The following ST3GAL2 variants were observed in gnomAD, a reference collection of about 807,000 sequenced individuals.
ST3GAL2 encodes the protein ST3 beta-galactoside alpha-2,3-sialyltransferase 2, also known as CMP-N-acetylneuraminate-beta-galactosamide-alpha-2,3-sialyltransferase 2.
A neutral mutation model predicts 37.5 loss-of-function variants in ST3GAL2; 16 were observed. That is an observed-to-expected ratio of 0.43 (90% confidence interval 0.29 to 0.65). The LOEUF (loss-of-function observed/expected upper bound fraction) is 0.65. Ranked by LOEUF, ST3GAL2 falls within the 30% of genes least tolerant of loss-of-function variation. The pLI is 0.17. For synonymous variants in ST3GAL2, 238 were observed against 202.9 expected (o/e 1.17, Z -1.47); for missense variants, 383 against 487.8 (o/e 0.79, Z 2.02).
chr16:70,401,321 C>T (rs2047553433), intron 1 of ST3GAL2, among the ~76,000 whole-genome samples: 2 of 152,078 alleles, frequency 1.3e-5, no homozygotes, highest in Non-Finnish European at 1.5e-5. Flanking sequence ...AGGGGGCACG[C>T]GAAGGAACTG....
intron 1 of ST3GAL2, among the ~76,000 whole-genome samples, chr16:70,403,258 G>A (rs2047567992): frequency 6.6e-6 from 1 of 152,202 alleles, no homozygotes; most frequent in Non-Finnish European, 1.5e-5. Context: ...GGAAGAGGAA[G>A]ACAGGAATCA....
chr16:70,385,726 C>T (rs2047438227), intron 4 of ST3GAL2, among the ~76,000 whole-genome samples: 3 of 106,724 alleles, frequency 2.8e-5, no homozygotes, highest in South Asian at 2.8e-4. Context: ...TTTTTTGAGG[C>T]AGAGCCCTGC....
rs1322152553 is a variant in ST3GAL2 at position 70,376,197 on chromosome 16, A to G, written c.*5492T>C. 1 of 152,196 alleles carries G rather than the reference A, an allele frequency of 6.6e-6. No homozygotes were observed. Among genetic ancestry groups the G allele is most frequent in the African/African-American group, 2.4e-5 (1 of 41,454 alleles). The allele number at this position is 152,196 out of a possible 1,614,324, so 9.4% of individuals were successfully genotyped here. ...CATGACAAATGGTAGGCAAAAAAAG[A>G]TATCGCAGGAAGGCCCTCCGTGATT... On this transcript the variant is annotated 3_prime_UTR_variant, in exon 7 of 7. Coordinates refer to ENST00000342907, the MANE Select transcript of ST3GAL2 (RefSeq NM_006927.4).
intron 1 of ST3GAL2, among the ~76,000 whole-genome samples, chr16:70,431,982 T>G (rs987185614): frequency 1.5e-5 from 2 of 135,288 alleles, no homozygotes; most frequent in African/African-American, 3.8e-5. Context: ...TATATATATA[T>G]ATATTTTTTT....
At chr16:70,388,912 A>G (rs927013085) in intron 3 of ST3GAL2, among the ~76,000 whole-genome samples, 1 of 151,054 alleles carries the variant, frequency 6.6e-6, no homozygotes, top group African/African-American at 2.4e-5. Context: ...AAAAAAAAAA[A>G]AACAAATATA....
intron 3 of ST3GAL2, among the ~76,000 whole-genome samples, chr16:70,392,689 CG>C (rs2047489797): frequency 6.6e-6 from 1 of 152,192 alleles, no homozygotes; most frequent in Non-Finnish European, 1.5e-5. Context: ...GCCATCATCT[CG>C]CTGTAACTCA....
intron 6 of ST3GAL2, among the ~76,000 whole-genome samples, chr16:70,382,333 AG>A (rs1042886663): frequency 2.0e-5 from 3 of 151,896 alleles, no homozygotes; most frequent in Admixed American, 6.6e-5. Context: ...CCCAGGCTGG[AG>A]TGCAATGCCG....
intron 1 of ST3GAL2, among the ~76,000 whole-genome samples, chr16:70,429,546 G>A (rs905843944): frequency 2.3e-4 from 28 of 123,042 alleles, no homozygotes; most frequent in African/African-American, 7.3e-4. Flanking sequence ...CCGAGATCGC[G>A]CCACTGCACT....
intron 1 of ST3GAL2, among the ~76,000 whole-genome samples, chr16:70,421,694 T>G (rs921645445): frequency 1.3e-5 from 2 of 152,116 alleles, no homozygotes; most frequent in African/African-American, 2.4e-5. Flanking sequence ...GCCCCACCCC[T>G]CCTTGAGACA....
intron 1 of ST3GAL2, among the ~76,000 whole-genome samples, chr16:70,425,766 C>A (rs532714988): frequency 6.6e-6 from 1 of 152,252 alleles, no homozygotes; most frequent in African/African-American, 2.4e-5. Context: ...AGAAGGGCTG[C>A]CCTGAACCTG....
chr16:70,394,882 G>A (rs575491364), intron 3 of ST3GAL2, 100 bp downstream of exon 3: 191 of 1,363,754 alleles, frequency 1.4e-4, no homozygotes, highest in Middle Eastern at 1.0e-3. Context: ...ACAGCACACC[G>A]GTAGCTGGCA....
intron 1 of ST3GAL2, among the ~76,000 whole-genome samples, chr16:70,410,460 A>C (rs561935745): frequency 1.3e-5 from 2 of 151,108 alleles, no homozygotes; most frequent in African/African-American, 4.9e-5. Flanking sequence ...TCACCATGTT[A>C]GCCAGGATGG....
rs749485496 is a variant in ST3GAL2 at position 70,398,210 on chromosome 16, G to A, written c.321C>T (p.Asp107=). The A allele has an allele frequency of 1.4e-5, 23 of 1,612,900 alleles. No individual in the cohort carries two copies. In the Admixed American group the frequency reaches 1.7e-4, roughly 12 times the overall value. ...WTRENMDLPP[D]VQRWWMMLQP... is the part of the protein sequence containing the mutation. The stretch of plus-strand genomic sequence containing the variant: ...CTCTTACCATCCACCACCTCTGGAC[G>A]TCCGGTGGAAGATCCATGTTCTCTC... Residue 107 remains aspartate, a synonymous_variant, in exon 2 of 7, where the codon GAC becomes GAT. Coordinates refer to ENST00000342907, the MANE Select transcript of ST3GAL2 (RefSeq NM_006927.4).
intron 2 of ST3GAL2, among the ~76,000 whole-genome samples, chr16:70,397,245 GT>G (rs2047523422): frequency 6.7e-6 from 1 of 150,114 alleles, no homozygotes; most frequent in African/African-American, 2.4e-5. Flanking sequence ...GTTTCACCAC[GT>G]TGGTCAGGCT....
rs1202570741 is a variant in ST3GAL2 at position 70,399,235 on chromosome 16, CTGG to C, written c.-708_-706del. ...CCATCTGAGGTGCTGGTCCCTTCTC[CTGG>C]TGGCCCCAGCCCCAGCTGCAGTTGC... On this transcript the variant is annotated 5_prime_UTR_variant, in exon 2 of 7. Transcript: ENST00000342907. 5.0e-6 allele frequency: 2 copies of C among 398,790 alleles called. No individual in the cohort carries two copies. The allele number at this position is 398,790 out of a possible 1,614,324, so 24.7% of individuals were successfully genotyped here. A position where few individuals can be genotyped will look rare whatever the true frequency, so the allele number is the denominator to read the frequency against.
chr16:70,408,886 G>GAAACA (rs2151668703), intron 1 of ST3GAL2, among the ~76,000 whole-genome samples: 1 of 15,442 alleles, frequency 6.5e-5, no homozygotes, highest in Non-Finnish European at 1.9e-4. Context: ...ACAGCTCAAA[G>GAAACA]AAACAAAAAA....
intron 1 of ST3GAL2, among the ~76,000 whole-genome samples, chr16:70,416,683 C>G (rs1295768747): frequency 1.3e-5 from 2 of 151,962 alleles, no homozygotes; most frequent in African/African-American, 4.8e-5. Context: ...TCTGCCCCCA[C>G]TTTTCCATCT....
intron 4 of ST3GAL2, among the ~76,000 whole-genome samples, chr16:70,384,865 C>T (rs914529059): frequency 3.4e-5 from 5 of 148,204 alleles, no homozygotes; most frequent in Non-Finnish European, 5.9e-5. Flanking sequence ...AAAAATTAGC[C>T]GGGTATGGTG....
chr16:70,422,065 C>G (rs568059502), intron 1 of ST3GAL2, among the ~76,000 whole-genome samples: 29 of 152,326 alleles, frequency 1.9e-4, no homozygotes, highest in Middle Eastern at 3.4e-3. Context: ...CAAGCCCAGC[C>G]TGCACTAACA....
Sources: allele counts gnomAD v4.1 joint callset (sites outside exome capture counted in the v4.1 genomes callset), GRCh38; gene constraint gnomAD v4.1.1; transcripts MANE v1.5; gene names NCBI Gene and HGNC (gene_info 2026-07-23, HGNC 2026-07-21).